Variants in CTNNA2 observed in about 807,000 individuals in gnomAD.
CTNNA2 encodes the protein catenin alpha-2.
CTNNA2 carries 42 observed loss-of-function variants against 101.0 expected under a neutral mutation model. The ratio of observed to expected loss-of-function variants is 0.42; its 90% confidence interval spans 0.32 to 0.54. CTNNA2 has a LOEUF of 0.54. Ranked by LOEUF, CTNNA2 falls within the 20% of genes least tolerant of loss-of-function variation. The probability of loss-of-function intolerance (pLI) is 0.14; values close to 1 mark genes in which losing one functional copy is unlikely to be tolerated. For missense variants in CTNNA2, 871 were observed against 1,223.1 expected, an observed-to-expected ratio of 0.71 and a Z score of 4.29; for synonymous variants, 450 against 456.4, an observed-to-expected ratio of 0.99 and a Z score of 0.18.
At chr2:79,842,326 G>A (rs1409083148) in intron 3 of CTNNA2, among the ~76,000 whole-genome samples, 1 of 152,106 alleles carries the variant, frequency 6.6e-6, no homozygotes, top group African/African-American at 2.4e-5. Flanking sequence ...TAGCCTTTCT[G>A]TGCCTCAGTC....
intron 9 of CTNNA2, among the ~76,000 whole-genome samples, chr2:80,451,631 A>T (rs1020070258): frequency 6.6e-6 from 1 of 152,178 alleles, no homozygotes; most frequent in Admixed American, 6.5e-5. Context: ...TCAGGACTTG[A>T]TATGTAATAT....
intron 18 of CTNNA2, among the ~76,000 whole-genome samples, chr2:80,619,553 A>T (rs930080141): frequency 1.3e-5 from 2 of 151,896 alleles, no homozygotes; most frequent in African/African-American, 4.8e-5. Context: ...TCACTAAGGA[A>T]GGGTAGTCAG....
intron 7 of CTNNA2, among the ~76,000 whole-genome samples, chr2:80,309,839 C>T (rs548983785): frequency 4.8e-4 from 73 of 150,648 alleles, no homozygotes; most frequent in South Asian, 4.0e-3. Flanking sequence ...GGATTACAGG[C>T]GCCCGCCACC....
Position 79,650,187 on chromosome 2 carries a change from G to T in CTNNA2, c.-5-1365G>T, listed in dbSNP as rs1252882802. ...GTATACTTTTTCGGGGGGGGGGGGG[G>T]AGGGGCTAGAACTGTAATTTTTTGC... On this transcript the variant is annotated intron_variant, in intron 1 of 18. Transcript: ENST00000402739. 1.8e-4 allele frequency among the ~76,000 whole-genome samples: 12 copies of T among 67,016 alleles called. No individual in the cohort carries two copies. In the East Asian group the frequency reaches 3.1e-3, roughly 17 times the overall value. 44.0% of individuals were successfully genotyped at this position (67,016 alleles called of 152,430 possible). A position where few individuals can be genotyped will look rare whatever the true frequency, so the allele number is the denominator to read the frequency against.
chr2:79,816,895 G>A (rs986174532), intron 3 of CTNNA2, among the ~76,000 whole-genome samples: 1 of 152,074 alleles, frequency 6.6e-6, no homozygotes, highest in African/African-American at 2.4e-5. Context: ...CAAACCTTAC[G>A]ATGTTCAAAT....
chr2:80,414,584 C>T lies in CTNNA2; in HGVS notation c.1138-4865C>T, dbSNP rs528952167. Among the ~76,000 whole-genome samples, 8 of 152,244 alleles carry T rather than the reference C, an allele frequency of 5.3e-5. No individual in the cohort carries two copies. The South Asian group carries it at 8.3e-4, about 16-fold the overall frequency. On this transcript the variant is annotated intron_variant, in intron 8 of 18. Coordinates refer to ENST00000402739, the MANE Select transcript of CTNNA2 (RefSeq NM_001282597.3). Reference sequence around the variant, plus strand: ...TTGTTTTCAAAGAATACTTTCCTCCCGACCGCTACCTCCTGTACTCTTGCA... The same window carrying T: ...TTGTTTTCAAAGAATACTTTCCTCCTGACCGCTACCTCCTGTACTCTTGCA...
chr2:80,389,568 A>G (rs1027774630), intron 7 of CTNNA2, among the ~76,000 whole-genome samples: 1 of 152,094 alleles, frequency 6.6e-6, no homozygotes, highest in Non-Finnish European at 1.5e-5. Context: ...AAACTGATGA[A>G]TTTAAAATTA....
At chr2:80,465,067 C>G (rs1684743823) in intron 9 of CTNNA2, among the ~76,000 whole-genome samples, 1 of 152,138 alleles carries the variant, frequency 6.6e-6, no homozygotes, top group Non-Finnish European at 1.5e-5. Context: ...GGGATGAGAG[C>G]TACTCAAAAG....
At chr2:79,345,697 T>C (rs1677245975) in intron 3 of CTNNA2, among the ~76,000 whole-genome samples, 1 of 152,054 alleles carries the variant, frequency 6.6e-6, no homozygotes, top group Admixed American at 6.6e-5. Context: ...TTTTGTGGGT[T>C]GTTTGTCTGT....
At chr2:79,338,586 C>CTT (rs1677055528) in intron 3 of CTNNA2, among the ~76,000 whole-genome samples, 2 of 131,470 alleles carry the variant, frequency 1.5e-5, no homozygotes, top group African/African-American at 6.9e-5. Context: ...TCATCTTCTT[C>CTT]TTCTTCTTCT....
chr2:80,608,838 CA>C (rs1335913172), intron 17 of CTNNA2, among the ~76,000 whole-genome samples: 14 of 151,918 alleles, frequency 9.2e-5, no homozygotes, highest in African/African-American at 3.4e-4. Context: ...GTGCTGTTGC[CA>C]AAAACTAACA....
intron 2 of CTNNA2, among the ~76,000 whole-genome samples, chr2:79,250,006 A>G (rs1674749427): frequency 6.6e-6 from 1 of 152,180 alleles, no homozygotes; most frequent in South Asian, 2.1e-4. Flanking sequence ...GCTGTGTTCC[A>G]TAATCAACAA....
At position 80,302,154 on chromosome 2, in the gene CTNNA2, A is replaced by T; in HGVS notation, c.1057-91057A>T. The T allele has an allele frequency of 6.9e-7, 1 of 1,456,576 alleles. No individual in the cohort carries two copies. Among genetic ancestry groups the T allele is most frequent in the Non-Finnish European group, 9.2e-7 (1 of 1,085,460 alleles). 90.2% of individuals were successfully genotyped at this position (1,456,576 alleles called of 1,614,324 possible). A position where few individuals can be genotyped will look rare whatever the true frequency, so the allele number is the denominator to read the frequency against. The stretch of plus-strand genomic sequence containing the variant: ...TAAAGTTTCAGTCAAGGAGCATATC[A>T]GAGCACAGACAAGGAGACCCCAGCC... On this transcript the variant is annotated intron_variant, in intron 7 of 18. Coordinates refer to ENST00000402739, the MANE Select transcript of CTNNA2 (RefSeq NM_001282597.3). This position sits in a 1 kb window ranked among gnomAD's most constrained non-coding sequence, Gnocchi z 6.4.
chr2:79,389,772 A>T (rs1678151939), intron 4 of CTNNA2, among the ~76,000 whole-genome samples: 1 of 152,152 alleles, frequency 6.6e-6, no homozygotes, highest in Admixed American at 6.6e-5. Context: ...CGGTTCAGCT[A>T]TGTGTTTTTT....
chr2:79,223,684 C>G (rs973256241), intron 2 of CTNNA2, among the ~76,000 whole-genome samples: 1 of 152,148 alleles, frequency 6.6e-6, no homozygotes, highest in Admixed American at 6.5e-5. Context: ...TTCCCACACC[C>G]AGAAAAATAT....
chr2:79,536,626 C>A (rs763236857), intron 1 of CTNNA2, among the ~76,000 whole-genome samples: 69 of 116,252 alleles, frequency 5.9e-4, no homozygotes, highest in Non-Finnish European at 1.1e-3. Context: ...GGGGTACATG[C>A]ATGCATTTGC....
In CTNNA2 at chr2:80,076,906, C is replaced by T. The variant is rs1343876183; in HGVS notation, c.1056+167109C>T. 6.6e-5 allele frequency among the ~76,000 whole-genome samples: 10 copies of T among 151,928 alleles called. No individual in the cohort carries two copies. In the South Asian group the frequency reaches 1.0e-3, roughly 16 times the overall value. On this transcript the variant is annotated intron_variant, in intron 7 of 18. Transcript: ENST00000402739. ...TAAAAAATACAAAAAAAAAAATTAG[C>T]GTGGTGGTGGGCACCTGTAGTCCCA...
At chr2:79,260,532 G>A (rs1038029790) in intron 2 of CTNNA2, among the ~76,000 whole-genome samples, 6 of 152,180 alleles carry the variant, frequency 3.9e-5, no homozygotes, top group Non-Finnish European at 8.8e-5. Context: ...GAAGTACGAT[G>A]ACATTTAAGT....
chr2:79,748,574 T>C lies in CTNNA2; in HGVS notation c.298+3992T>C, dbSNP rs376100493. On this transcript the variant is annotated intron_variant, in intron 3 of 18. Coordinates refer to ENST00000402739, the MANE Select transcript of CTNNA2 (RefSeq NM_001282597.3). The stretch of plus-strand genomic sequence containing the variant: ...TAAATGCCAGTTTTCATATTGTACA[T>C]GTCCATTTTCAGATTTTTAATATAG... Among the ~76,000 whole-genome samples the C allele has an allele frequency of 4.6e-5, 7 of 152,280 alleles. No individual in the cohort carries two copies. In the East Asian group the frequency reaches 1.2e-3, roughly 25 times the overall value.
Sources: allele counts gnomAD v4.1 joint callset (sites outside exome capture counted in the v4.1 genomes callset), GRCh38; gene constraint gnomAD v4.1.1; non-coding constraint Gnocchi (gnomAD v3.1); transcripts MANE v1.5; gene names NCBI Gene and HGNC (gene_info 2026-07-23, HGNC 2026-07-21).